The following CCDC178 variants were observed in gnomAD, a reference collection of about 807,000 sequenced individuals.
The protein encoded by CCDC178 is coiled-coil domain containing 178.
A neutral mutation model predicts 117.4 loss-of-function variants in CCDC178; 126 were observed. That is an observed-to-expected ratio of 1.07 (90% CI 0.93 to 1.24). The LOEUF is 1.24. CCDC178 is among the 50% of genes most tolerant of loss of function. The probability of loss-of-function intolerance (pLI) is 0.00; values close to 1 mark genes in which losing one functional copy is unlikely to be tolerated. For synonymous variants in CCDC178, 283 were observed against 313.4 expected, an observed-to-expected ratio of 0.90 and a Z score of 1.02; for missense variants, 1,030 against 986.9, an observed-to-expected ratio of 1.04 and a Z score of -0.59.
intron 12 of CCDC178, among the ~76,000 whole-genome samples, chr18:33,272,685 G>T (rs2059904385): frequency 1.3e-5 from 2 of 151,440 alleles, no homozygotes; most frequent in South Asian, 4.1e-4. Flanking sequence ...ATATAGAAAG[G>T]ATTATAGACC....
intron 14 of CCDC178, among the ~76,000 whole-genome samples, chr18:33,263,328 G>T (rs1007506328): frequency 3.9e-5 from 6 of 152,056 alleles, no homozygotes; most frequent in East Asian, 3.9e-4. Flanking sequence ...TGTTGATAAA[G>T]ATTTCTAAAC....
intron 20 of CCDC178, among the ~76,000 whole-genome samples, chr18:33,166,123 T>C (rs964173887): frequency 4.6e-5 from 7 of 152,128 alleles, no homozygotes; most frequent in Non-Finnish European, 4.4e-5. Flanking sequence ...TTACTACTAT[T>C]TGAAAATAGT....
chr18:33,131,849 T>C (rs1458267691), intron 20 of CCDC178, among the ~76,000 whole-genome samples: 8 of 151,784 alleles, frequency 5.3e-5, no homozygotes, highest in Non-Finnish European at 1.0e-4. Context: ...AGTCAGGTTA[T>C]TTACAAATAT....
chr18:33,299,983 T>G (rs1425799253), intron 11 of CCDC178, among the ~76,000 whole-genome samples: 5 of 152,200 alleles, frequency 3.3e-5, no homozygotes, highest in Admixed American at 2.6e-4. Context: ...CTAAATCTCA[T>G]GCTGAGCCGT....
chr18:33,040,392 A>ACCCTTAGTTTTATATATATGCAT (rs2056525499), intron 21 of CCDC178, among the ~76,000 whole-genome samples: 1 of 151,968 alleles, frequency 6.6e-6, no homozygotes, highest in Non-Finnish European at 1.5e-5. Context: ...ACAAATGTAT[A>ACCCTTAGTTTTATATATATGCAT]ATTGGAGTCT....
chr18:32,977,930 G>A (rs951269397), intron 21 of CCDC178, among the ~76,000 whole-genome samples: 1 of 152,172 alleles, frequency 6.6e-6, no homozygotes, highest in African/African-American at 2.4e-5. Flanking sequence ...AAGATGAGCT[G>A]TAGAGGAATT....
chr18:33,279,351 C>T (rs1410113393), intron 12 of CCDC178, among the ~76,000 whole-genome samples: 1 of 152,044 alleles, frequency 6.6e-6, no homozygotes, highest in African/African-American at 2.4e-5. Context: ...AACTCCCATT[C>T]ACAATTGCTT....
In CCDC178 at chr18:33,309,934, TTTTCTTTTATTTATTTATTTATTTATTTA is replaced by T. The variant is rs1182226088; in HGVS notation, c.1022+13528_1022+13556del. On this transcript the variant is annotated intron_variant, in intron 11 of 22. Transcript: ENST00000383096. ...ATGATTGTTTTTTTTTTCTTTTTTC[TTTTCTTTTATTTATTTATTTATTTATTTA>T]TTTATTTATTTATTTATTTATTTTG... Among the ~76,000 whole-genome samples the T allele has an allele frequency of 3.3e-5, 5 of 150,576 alleles. No homozygotes were observed. In the East Asian group the frequency reaches 5.8e-4, roughly 18 times the overall value.
At chr18:33,229,763 T>C (rs2059349326) in intron 15 of CCDC178, among the ~76,000 whole-genome samples, 1 of 152,152 alleles carries the variant, frequency 6.6e-6, no homozygotes, top group Non-Finnish European at 1.5e-5. Context: ...TCCAGGCAAA[T>C]GGGACACCTC....
intron 11 of CCDC178, among the ~76,000 whole-genome samples, chr18:33,312,170 T>C (rs1478938581): frequency 6.6e-6 from 1 of 152,160 alleles, no homozygotes; most frequent in Non-Finnish European, 1.5e-5. Flanking sequence ...TCTACCATGT[T>C]ACTCTGTCCC....
chr18:33,025,343 G>T (rs2056205805), intron 21 of CCDC178, among the ~76,000 whole-genome samples: 1 of 152,012 alleles, frequency 6.6e-6, no homozygotes, highest in Non-Finnish European at 1.5e-5. Context: ...GTAGGTAAAG[G>T]GTTCTTAGAC....
intron 21 of CCDC178, among the ~76,000 whole-genome samples, chr18:33,065,219 G>A (rs2056990972): frequency 6.6e-6 from 1 of 151,968 alleles, no homozygotes; most frequent in Admixed American, 6.6e-5. Flanking sequence ...AGTAAGATAT[G>A]GTGTACTACA....
intron 22 of CCDC178, among the ~76,000 whole-genome samples, chr18:32,962,199 A>G (rs1483326117): frequency 6.6e-6 from 1 of 151,978 alleles, no homozygotes; most frequent in Non-Finnish European, 1.5e-5. Context: ...CTTTTATGCT[A>G]TTACTCGAAT....
At chr18:33,068,459 A>G (rs1738791254) in intron 21 of CCDC178, among the ~76,000 whole-genome samples, 1 of 152,206 alleles carries the variant, frequency 6.6e-6, no homozygotes, top group South Asian at 2.1e-4. Context: ...CACATCAAAA[A>G]GATAATATAC....
At chr18:33,013,590 A>T (rs894343207) in intron 21 of CCDC178, among the ~76,000 whole-genome samples, 8 of 152,226 alleles carry the variant, frequency 5.3e-5, no homozygotes, top group African/African-American at 1.9e-4. Context: ...AAGTTATAAG[A>T]AGTATGTAAG....
intron 11 of CCDC178, among the ~76,000 whole-genome samples, chr18:33,294,878 A>C (rs1175882485): frequency 1.3e-5 from 2 of 152,168 alleles, no homozygotes; most frequent in Non-Finnish European, 2.9e-5. Flanking sequence ...TTAGTGGTTC[A>C]CTTATTCCAA....
intron 9 of CCDC178, among the ~76,000 whole-genome samples, chr18:33,345,284 G>C (rs1438017779): frequency 1.3e-5 from 2 of 152,092 alleles, no homozygotes; most frequent in African/African-American, 4.8e-5. Context: ...AGGAAGTCAG[G>C]CATGTTTTCA....
In CCDC178 at chr18:33,435,272, C is replaced by T. The variant is rs72949725; in HGVS notation, c.-23+4690G>A. ...CAATTTAAAAATTAAAAATACAGTT[C>T]CTTGGCTACATTAACCACCTTCAAC... On this transcript the variant is annotated intron_variant, in intron 2 of 22. Coordinates refer to ENST00000383096, the MANE Select transcript of CCDC178 (RefSeq NM_001105528.4). 6.3e-3 allele frequency among the ~76,000 whole-genome samples: 966 copies of T among 152,174 alleles called. 5 individuals are homozygous for T. The highest frequency in any genetic ancestry group is 0.012 in the Non-Finnish European group (783 of 67,970).
At chr18:33,182,361 T>C (rs2058741807) in intron 20 of CCDC178, among the ~76,000 whole-genome samples, 1 of 151,980 alleles carries the variant, frequency 6.6e-6, no homozygotes, top group South Asian at 2.1e-4. Context: ...ATTCAGATGA[T>C]TGTAATTTTT....
Sources: allele counts gnomAD v4.1 joint callset (sites outside exome capture counted in the v4.1 genomes callset), GRCh38; gene constraint gnomAD v4.1.1; transcripts MANE v1.5; gene names NCBI Gene and HGNC (gene_info 2026-07-23, HGNC 2026-07-21).